Variants in ARL15 observed in about 807,000 individuals in gnomAD.
ARL15 encodes the protein ARF like GTPase 15, also known as ADP-ribosylation factor-like protein 15.
ARL15 carries 19 observed loss-of-function variants against 25.2 expected under a neutral mutation model. The observed-to-expected ratio is 0.75, with a 90% CI of 0.53 to 1.10. ARL15 has a LOEUF of 1.10. Ranked by LOEUF, ARL15 falls within the 50% of genes least tolerant of loss-of-function variation. The pLI, the probability that ARL15 is intolerant of heterozygous loss-of-function variation, is 0.00. For synonymous variants in ARL15, 94 were observed against 86.8 expected (o/e 1.08, Z -0.46); for missense variants, 220 against 246.0 (o/e 0.89, Z 0.71).
chr5:53,971,326 G>A (rs1324588996), intron 4 of ARL15, among the ~76,000 whole-genome samples: 1 of 152,122 alleles, frequency 6.6e-6, no homozygotes, highest in Non-Finnish European at 1.5e-5. Context: ...TAATGTATTT[G>A]ACTCATGTTT....
At chr5:54,273,614 T>C (rs1757848480) in intron 1 of ARL15, among the ~76,000 whole-genome samples, 1 of 152,214 alleles carries the variant, frequency 6.6e-6, no homozygotes, top group African/African-American at 2.4e-5. Context: ...CTCAAAATCC[T>C]ATCTCTACCA....
At chr5:54,191,939 G>T (rs916637359) in intron 1 of ARL15, among the ~76,000 whole-genome samples, 1 of 152,030 alleles carries the variant, frequency 6.6e-6, no homozygotes, top group East Asian at 1.9e-4. Context: ...AGACTAAAAG[G>T]TCCTATAAAA....
At chr5:54,207,460 A>G (rs1394199961) in intron 1 of ARL15, among the ~76,000 whole-genome samples, 1 of 152,198 alleles carries the variant, frequency 6.6e-6, no homozygotes, top group African/African-American at 2.4e-5. Context: ...CAAACCGCCT[A>G]TTGAGAAGAC....
chr5:53,901,140 G>A (rs1295233420), intron 4 of ARL15, among the ~76,000 whole-genome samples: 2 of 152,136 alleles, frequency 1.3e-5, no homozygotes, highest in African/African-American at 2.4e-5. Context: ...AGCACATCAT[G>A]TTCTCTTCCT....
chr5:54,163,575 A>G (rs1247995212), intron 2 of ARL15, among the ~76,000 whole-genome samples: 1 of 151,438 alleles, frequency 6.6e-6, no homozygotes, highest in African/African-American at 2.4e-5. Flanking sequence ...AAAGGTATCA[A>G]TTTCTTAAAC....
intron 1 of ARL15, among the ~76,000 whole-genome samples, chr5:54,175,225 A>G (rs900358247): frequency 2.6e-5 from 4 of 152,196 alleles, no homozygotes; most frequent in African/African-American, 9.7e-5. Context: ...CTCCATTAAT[A>G]TCTATTTTAC....
intron 4 of ARL15, among the ~76,000 whole-genome samples, chr5:53,920,924 C>T (rs1018550397): frequency 2.0e-5 from 3 of 151,956 alleles, no homozygotes; most frequent in South Asian, 2.1e-4. Flanking sequence ...CCTTTTTGTG[C>T]GCACAGTCCT....
At chr5:54,295,755 A>C (rs571336104) in intron 1 of ARL15, among the ~76,000 whole-genome samples, 6 of 152,350 alleles carry the variant, frequency 3.9e-5, no homozygotes, top group African/African-American at 1.4e-4. Context: ...GAAACATTCG[A>C]AATGACCAAG....
At chr5:54,105,282 G>T (rs1006753912) in intron 4 of ARL15, among the ~76,000 whole-genome samples, 3 of 151,900 alleles carry the variant, frequency 2.0e-5, no homozygotes, top group Non-Finnish European at 4.4e-5. Flanking sequence ...CCTCAAATCA[G>T]CCATTGCCTT....
chr5:54,270,293 C>T (rs1385787519), intron 1 of ARL15, among the ~76,000 whole-genome samples: 1 of 148,636 alleles, frequency 6.7e-6, no homozygotes, highest in Non-Finnish European at 1.5e-5. Flanking sequence ...TTGGCTTGTG[C>T]CCTGGAGGTT....
rs1273284517 is a variant in ARL15 at position 54,171,864 on chromosome 5, A to G, written c.113T>C (p.Ile38Thr). 1 of 1,613,740 alleles carries G rather than the reference A, an allele frequency of 6.2e-7. No individual in the cohort carries two copies. Among genetic ancestry groups the G allele is most frequent in the African/African-American group, 1.3e-5 (1 of 75,038 alleles). ...PARPEYDLVC[I>T]GLTGSGKTSL... ...GGTTTTGCCAGAACCTGTGAGGCCT[A>G]TGCAAACCAGGTCATATTCTGGTCG... Residue 38 changes from isoleucine (I) to threonine (T), a missense_variant, in exon 2 of 5, where the codon ATA becomes ACA. Coordinates refer to ENST00000504924, the MANE Select transcript of ARL15 (RefSeq NM_019087.3).
chr5:54,122,761 A>C (rs1429916532), intron 3 of ARL15, among the ~76,000 whole-genome samples: 1 of 152,202 alleles, frequency 6.6e-6, no homozygotes, highest in Non-Finnish European at 1.5e-5. Flanking sequence ...CTAAGCACAA[A>C]ATGGGCTTTT....
chr5:54,205,123 T>G (rs777369844), intron 1 of ARL15, among the ~76,000 whole-genome samples: 6 of 151,948 alleles, frequency 3.9e-5, no homozygotes, highest in Non-Finnish European at 7.4e-5. Context: ...TTCCAACTCC[T>G]TGGTTGCACA....
chr5:53,931,685 A>ATAG (rs1335317245), intron 4 of ARL15, among the ~76,000 whole-genome samples: 1 of 152,220 alleles, frequency 6.6e-6, no homozygotes, highest in Non-Finnish European at 1.5e-5. Context: ...CTTTTCCTAC[A>ATAG]TAGTACATTG....
intron 4 of ARL15, among the ~76,000 whole-genome samples, chr5:54,007,257 G>T (rs914533436): frequency 2.0e-5 from 3 of 151,998 alleles, no homozygotes; most frequent in African/African-American, 7.2e-5. Context: ...ATCCGCCTTG[G>T]GCTCTTTGTC....
chr5:53,921,325 T>C (rs565680810), intron 4 of ARL15, among the ~76,000 whole-genome samples: 5 of 152,368 alleles, frequency 3.3e-5, no homozygotes, highest in Admixed American at 3.3e-4. Flanking sequence ...CCTATGGGTA[T>C]ACTGTCCCCC....
rs184350871 is a variant in ARL15 at position 54,068,301 on chromosome 5, G to C, written c.462+44901C>G. On this transcript the variant is annotated intron_variant, in intron 4 of 4. Coordinates refer to ENST00000504924, the MANE Select transcript of ARL15 (RefSeq NM_019087.3). ...TTAGAAGCTAAGTAAGACCCAATCA[G>C]TGGGTTCTATTGCACCAGCACCAAG... is the stretch of plus-strand genomic sequence containing the variant. Among the ~76,000 whole-genome samples, 6 of 152,278 alleles carry C rather than the reference G, an allele frequency of 3.9e-5. No individual in the cohort carries two copies. The East Asian group carries it at 1.2e-3, about 29-fold the overall frequency.
At chr5:53,928,769 G>C (rs1746111365) in intron 4 of ARL15, among the ~76,000 whole-genome samples, 1 of 152,192 alleles carries the variant, frequency 6.6e-6, no homozygotes, top group South Asian at 2.1e-4. Context: ...ATGCTCAGCA[G>C]AGCTCCCACA....
intron 1 of ARL15, among the ~76,000 whole-genome samples, chr5:54,184,345 A>T (rs1755164920): frequency 6.8e-6 from 1 of 146,248 alleles, no homozygotes; most frequent in Non-Finnish European, 1.5e-5. Flanking sequence ...GGGGAGGGTG[A>T]GGCAGGAGGA....
Sources: gnomAD v4.1 joint callset for allele counts (sites outside exome capture counted in the v4.1 genomes callset) on GRCh38, gnomAD v4.1.1 for gene constraint, MANE v1.5 for transcripts, NCBI Gene and HGNC (gene_info 2026-07-23, HGNC 2026-07-21) for gene names.